HYDIN: variants seen among roughly 807,000 people sequenced by gnomAD.
HYDIN encodes the protein axonemal central pair apparatus protein HYDIN.
In HYDIN, 132 loss-of-function variants were observed where a neutral mutation model predicts 403.9. That is an observed-to-expected ratio of 0.33 (90% CI 0.28 to 0.38). The LOEUF (loss-of-function observed/expected upper bound fraction) is 0.38, where lower values mean the gene tolerates loss of function less well. Ranked by LOEUF, HYDIN falls within the 10% of genes least tolerant of loss-of-function variation. The pLI is 1.00. For missense variants in HYDIN, 2,827 were observed against 5,009.5 expected (o/e 0.56, Z 13.15); for synonymous variants, 1,202 against 1,891.7 (o/e 0.64, Z 9.46).
intron 5 of HYDIN, among the ~76,000 whole-genome samples, chr16:71,170,835 G>T (rs945503784): frequency 1.3e-5 from 2 of 152,094 alleles, no homozygotes; most frequent in Non-Finnish European, 2.9e-5. Context: ...CATGCTGTAT[G>T]GGACTTGCTT....
chr16:70,949,216 A>AC (rs2143910589), intron 41 of HYDIN, among the ~76,000 whole-genome samples: 1 of 150,276 alleles, frequency 6.7e-6, no homozygotes, highest in Non-Finnish European at 1.5e-5. Flanking sequence ...GAACAAAAAA[A>AC]CAAACACCGC....
intron 23 of HYDIN, among the ~76,000 whole-genome samples, chr16:70,994,773 C>T (rs1237210805): frequency 6.7e-6 from 1 of 148,458 alleles, no homozygotes; most frequent in Non-Finnish European, 1.5e-5. Flanking sequence ...GCTATCACTG[C>T]AGCCTTAACA....
intron 1 of HYDIN, among the ~76,000 whole-genome samples, chr16:71,207,836 A>G (rs926088606): frequency 4.6e-5 from 7 of 152,236 alleles, no homozygotes; most frequent in African/African-American, 1.4e-4. Flanking sequence ...AGGGCATTAC[A>G]TAATGATGAA....
chr16:71,028,852 T>C (rs1338576321), intron 19 of HYDIN, among the ~76,000 whole-genome samples: 3 of 151,670 alleles, frequency 2.0e-5, no homozygotes, highest in Non-Finnish European at 4.4e-5. Flanking sequence ...TGGCTAACAG[T>C]AGGCTTTTGG....
intron 1 of HYDIN, among the ~76,000 whole-genome samples, chr16:71,217,830 G>C (rs958921689): frequency 6.6e-6 from 1 of 152,198 alleles, no homozygotes; most frequent in Non-Finnish European, 1.5e-5. Context: ...CTTTGCGGGA[G>C]AGCCATTCAC....
intron 42 of HYDIN, among the ~76,000 whole-genome samples, chr16:70,943,064 T>C (rs2077732175): frequency 2.6e-5 from 4 of 152,232 alleles, no homozygotes; most frequent in Admixed American, 1.3e-4. Context: ...GCAATTAATA[T>C]TGTGGCCCTA....
chr16:71,061,860 C>CTGTG (rs1405399157), intron 17 of HYDIN, among the ~76,000 whole-genome samples: 2 of 50,168 alleles, frequency 4.0e-5, no homozygotes, highest in African/African-American at 1.9e-4. Context: ...GCATGTGTGA[C>CTGTG]AGTGTGTGTG....
At chr16:70,812,988 T>C (rs6499337) in intron 84 of HYDIN, among the ~76,000 whole-genome samples, 33,983 of 151,330 alleles carry the variant, frequency 0.22, 6,808 homozygotes, top group African/African-American at 0.54. Flanking sequence ...AGTCTCGCTC[T>C]GTCACCCAGG....
intron 1 of HYDIN, among the ~76,000 whole-genome samples, chr16:71,224,559 C>CT (rs34595246): frequency 0.1 from 12,250 of 117,504 alleles, 966 homozygotes; most frequent in East Asian, 0.25. Context: ...TAAGGTTTTT[C>CT]TTTTTTTTTT....
chr16:70,969,679 T>C lies in HYDIN; in HGVS notation c.5619+841A>G, dbSNP rs370343636. Among the ~76,000 whole-genome samples, 2 of 152,252 alleles carry C rather than the reference T, an allele frequency of 1.3e-5. 1 individual carries two copies. The highest frequency in any genetic ancestry group is 4.2e-4 in the South Asian group (2 of 4,816). On this transcript the variant is annotated intron_variant, in intron 36 of 85. Coordinates refer to ENST00000393567, the MANE Select transcript of HYDIN (RefSeq NM_001270974.2). ...TAATAAAAGAAGAAATCTTGGCGTA[T>C]CAGAAAAGAAGAAAGAACAGAAAGA...
intron 1 of HYDIN, among the ~76,000 whole-genome samples, chr16:71,190,435 G>C (rs1018109910): frequency 1.3e-5 from 2 of 151,834 alleles, no homozygotes; most frequent in South Asian, 4.2e-4. Context: ...TTTGGAAGTT[G>C]CTAAAGCACC....
chr16:71,030,323 C>CTT (rs1406141317), intron 19 of HYDIN, among the ~76,000 whole-genome samples: 1 of 151,964 alleles, frequency 6.6e-6, no homozygotes, highest in Non-Finnish European at 1.5e-5. Flanking sequence ...AAGTAAAGTG[C>CTT]TGGGATCATA....
chr16:71,201,333 A>G (rs1014512465), intron 1 of HYDIN, among the ~76,000 whole-genome samples: 2 of 152,128 alleles, frequency 1.3e-5, no homozygotes, highest in East Asian at 1.9e-4. Context: ...TGATCTGTTC[A>G]TTACATTTTC....
chr16:71,190,104 C>T (rs531724427), intron 1 of HYDIN, among the ~76,000 whole-genome samples: 2 of 152,074 alleles, frequency 1.3e-5, no homozygotes, highest in South Asian at 2.1e-4. Context: ...AATGAAAGTC[C>T]GGTGGCAATG....
chr16:70,886,662 C>T (rs1268033561), intron 58 of HYDIN, among the ~76,000 whole-genome samples: 1 of 152,140 alleles, frequency 6.6e-6, no homozygotes, highest in Non-Finnish European at 1.5e-5. Context: ...TTCCATTTAT[C>T]CCTGAGAAAT....
intron 9 of HYDIN, 146 bp from the exon 10 acceptor site, chr16:71,115,941 G>A (rs1268646547): frequency 6.9e-6 from 4 of 580,592 alleles, no homozygotes; most frequent in African/African-American, 1.9e-5. Context: ...ATATATATTT[G>A]TATAGTGAAA....
chr16:71,176,091 GTCAGGAGA>G (rs2086659036), intron 4 of HYDIN, among the ~76,000 whole-genome samples: 1 of 140,236 alleles, frequency 7.1e-6, no homozygotes, highest in Non-Finnish European at 1.5e-5. Context: ...GGATCACGAG[GTCAGGAGA>G]TCAAGACCAT....
chr16:71,218,326 C>T (rs1197209502), intron 1 of HYDIN, among the ~76,000 whole-genome samples: 1 of 152,218 alleles, frequency 6.6e-6, no homozygotes, highest in African/African-American at 2.4e-5. Context: ...CCTCAGCCAG[C>T]TGCAAAGCTT....
At chr16:71,037,808 C>A (rs2144182079) in intron 18 of HYDIN, among the ~76,000 whole-genome samples, 1 of 152,340 alleles carries the variant, frequency 6.6e-6, no homozygotes, top group Middle Eastern at 3.4e-3. Context: ...GAAAGGAATG[C>A]AGCTCGGCTA....
Sources: allele counts gnomAD v4.1 joint callset (sites outside exome capture counted in the v4.1 genomes callset), GRCh38; gene constraint gnomAD v4.1.1; transcripts MANE v1.5; gene names NCBI Gene and HGNC (gene_info 2026-07-23, HGNC 2026-07-21).